ZNF207: variants seen among roughly 807,000 people sequenced by gnomAD.
The protein encoded by ZNF207 is zinc finger protein 207, also known as BUB3-interacting and GLEBS motif-containing protein ZNF207.
In ZNF207, 24 loss-of-function variants were observed where a neutral mutation model predicts 60.2. The ratio of observed to expected loss-of-function variants is 0.40; its 90% CI spans 0.29 to 0.56. ZNF207 has a LOEUF of 0.56. ZNF207 is among the 20% of genes least tolerant of loss of function. The pLI is 0.49. For missense variants in ZNF207, 452 were observed against 636.6 expected, an observed-to-expected ratio of 0.71 and a Z score of 3.12; for synonymous variants, 236 against 194.7, an observed-to-expected ratio of 1.21 and a Z score of -1.77.
chr17:32,368,570 A>G (rs1360707860), intron 10 of ZNF207: 1 of 154,528 alleles, frequency 6.5e-6, no homozygotes, highest in Non-Finnish European at 1.4e-5. Context: ...GGGCACCTGT[A>G]ATCCCAGCTA....
rs752291129 is a variant in ZNF207 at position 32,360,725 on chromosome 17, A to G, written c.435A>G (p.Pro145=). 5 of 1,614,036 alleles carry G rather than the reference A, an allele frequency of 3.1e-6. No homozygotes were observed. The highest frequency in any genetic ancestry group is 4.2e-6 in the Non-Finnish European group (5 of 1,180,032). The change falls in exon 4 of 12, where the codon CCA becomes CCG. Residue 145 remains proline (P), a synonymous_variant. Coordinates refer to ENST00000394670, the MANE Select transcript of ZNF207 (RefSeq NM_001098507.2). ...GTTATATTCCTCCAATGGCACAGCC[A>G]GGACTGCCACCAGTACCAGGAGCAC... is the stretch of plus-strand genomic sequence containing the variant. ...QQGYIPPMAQ[P]GLPPVPGAPG...
chr17:32,355,727 AATC>A (rs1308795658), intron 2 of ZNF207, among the ~76,000 whole-genome samples: 11 of 152,212 alleles, frequency 7.2e-5, no homozygotes, highest in Admixed American at 4.6e-4. Flanking sequence ...GATTAAAAGG[AATC>A]GTCTAAGGAG....
intron 2 of ZNF207, among the ~76,000 whole-genome samples, chr17:32,354,043 A>G (rs967826900): frequency 1.3e-5 from 2 of 151,740 alleles, no homozygotes; most frequent in South Asian, 2.1e-4. Context: ...AGTGCAGATC[A>G]TAGCTCACCG....
chr17:32,369,234 C>T (rs1328312554), intron 10 of ZNF207, 61 bp from the exon 11 acceptor site: 4 of 1,575,090 alleles, frequency 2.5e-6, no homozygotes, highest in Non-Finnish European at 3.5e-6. Flanking sequence ...AGATGCATGC[C>T]TTTATGCTTG....
chr17:32,375,193 A>G lies in ZNF207; in HGVS notation c.*5434A>G, dbSNP rs1282539729. ...TGTAAATTTTGACTTGTTAAATAAC[A>G]TGTTTTTCACTATAACTAATAGGAT... On this transcript the variant is annotated 3_prime_UTR_variant, in exon 12 of 12. Transcript: ENST00000394670. 3 of 152,198 alleles carry G rather than the reference A, an allele frequency of 2.0e-5. No individual in the cohort carries two copies. Among genetic ancestry groups the G allele is most frequent in the Non-Finnish European group, 4.4e-5 (3 of 68,026 alleles). 9.4% of individuals were successfully genotyped at this position (152,198 alleles called of 1,614,324 possible). A position where few individuals can be genotyped will look rare whatever the true frequency, so the allele number is the denominator to read the frequency against.
rs1905796865 is a variant in ZNF207, at chr17:32,379,400, A to G, written c.*9641A>G. 1 of 152,106 alleles carries G rather than the reference A, an allele frequency of 6.6e-6. No individual in the cohort carries two copies. The highest frequency in any genetic ancestry group is 1.5e-5 in the Non-Finnish European group (1 of 67,974). 9.4% of individuals were successfully genotyped at this position (152,106 alleles called of 1,614,324 possible). ...TAATTTGCTAGTTCACTTTTTTCTG[A>G]CCTTCACTTAACAGACTATAAATAC... is the stretch of plus-strand genomic sequence containing the variant. On this transcript the variant is annotated 3_prime_UTR_variant, in exon 12 of 12. Coordinates refer to ENST00000394670, the MANE Select transcript of ZNF207 (RefSeq NM_001098507.2).
intron 2 of ZNF207, among the ~76,000 whole-genome samples, chr17:32,354,020 T>C (rs1350083895): frequency 6.6e-6 from 1 of 152,184 alleles, no homozygotes; most frequent in Admixed American, 6.5e-5. Context: ...TCTCATTCTG[T>C]TGTCCAGGCT....
At chr17:32,367,243 A>ATATATAT (rs1905213856) in intron 9 of ZNF207, among the ~76,000 whole-genome samples, 1 of 51,004 alleles carries the variant, frequency 2.0e-5, no homozygotes, top group Admixed American at 1.7e-4. Flanking sequence ...AGGGGATTAT[A>ATATATAT]TATATATATA....
In ZNF207 at chr17:32,357,351, AT is replaced by A. The variant is rs1164011891; in HGVS notation, c.169-1137del. On this transcript the variant is annotated intron_variant, in intron 2 of 11. Transcript: ENST00000394670. ...TATTATTATTATTATTATTATTATT[AT>A]TTTTTTTTTTTTTTGAGACAGAATC... 4.0e-3 allele frequency among the ~76,000 whole-genome samples: 294 copies of A among 73,982 alleles called. 4 individuals carry two copies. Among genetic ancestry groups the A allele is most frequent in the African/African-American group, 0.014 (242 of 17,754 alleles). The allele number at this position is 73,982 out of a possible 152,430, so 48.5% of individuals were successfully genotyped here. A position where few individuals can be genotyped will look rare whatever the true frequency, so the allele number is the denominator to read the frequency against.
At chr17:32,362,817 C>A (rs1904959379) in intron 6 of ZNF207, 97 bp from the exon 7 acceptor site, 1 of 931,612 alleles carries the variant, frequency 1.1e-6, no homozygotes, top group Non-Finnish European at 1.6e-6. Flanking sequence ...AGATTCAAGT[C>A]TTCTATCTAG....
At chr17:32,357,332 TATTATTA>T (rs1904567877) in intron 2 of ZNF207, among the ~76,000 whole-genome samples, 9 of 90,974 alleles carry the variant, frequency 9.9e-5, no homozygotes, top group African/African-American at 3.5e-4. Flanking sequence ...TTATTATTAT[TATTATTA>T]TTATTATTAT....
At chr17:32,355,057 G>T (rs1484909533) in intron 2 of ZNF207, among the ~76,000 whole-genome samples, 1 of 152,154 alleles carries the variant, frequency 6.6e-6, no homozygotes, top group Non-Finnish European at 1.5e-5. Context: ...TAGATATGGG[G>T]TATAAGAAAA....
chr17:32,362,963 C>G lies in ZNF207; in HGVS notation c.649C>G (p.Leu217Val). The change falls in exon 7 of 12, where the codon CTG becomes GTG. Residue 217 changes from leucine to valine, a missense_variant. Physicochemically the swap from Leu to Val is conservative, Grantham distance 32. This residue lies in a region of ZNF207 where 390 missense variants were observed against 461.4 expected (regional missense o/e 0.85). Transcript: ENST00000394670. Reference protein sequence around the residue: ...MMPPGPGIPPLMPGMPPGMPP... With the variant: ...MMPPGPGIPPVMPGMPPGMPP... ...GCCACCTGGACCAGGAATACCACCT[C>G]TGATGCCTGGAATGCCACCAGGTAT... 1 of 1,613,276 alleles carries G rather than the reference C, an allele frequency of 6.2e-7. No homozygotes were observed. Among genetic ancestry groups the G allele is most frequent in the Non-Finnish European group, 8.5e-7 (1 of 1,179,946 alleles).
intron 9 of ZNF207, 126 bp from the exon 10 acceptor site, chr17:32,367,646 T>C: frequency 7.9e-7 from 1 of 1,258,760 alleles, no homozygotes; most frequent in Non-Finnish European, 1.1e-6. Context: ...CACATTAACT[T>C]TGTATTAATT....
At chr17:32,352,573 ATTAATAC>A (rs2041527443) in intron 2 of ZNF207, among the ~76,000 whole-genome samples, 1 of 152,234 alleles carries the variant, frequency 6.6e-6, no homozygotes, top group Non-Finnish European at 1.5e-5. Flanking sequence ...GGCCTTAAGA[ATTAATAC>A]TTAATTAGCA....
chr17:32,367,284 T>TATATATATAAAAAA (rs1346929445), intron 9 of ZNF207, among the ~76,000 whole-genome samples: 1 of 131,076 alleles, frequency 7.6e-6, no homozygotes, highest in Non-Finnish European at 1.6e-5. Context: ...TATATATATA[T>TATATATATAAAAAA]AAAGAATACT....
Position 32,376,158 on chromosome 17 carries a change from A to G in ZNF207, c.*6399A>G, listed in dbSNP as rs1258596497. 2.6e-5 allele frequency: 4 copies of G among 152,036 alleles called. No homozygotes were observed. Among genetic ancestry groups the G allele is most frequent in the South Asian group, 4.1e-4 (2 of 4,824 alleles). The allele number at this position is 152,036 out of a possible 1,614,324, so 9.4% of individuals were successfully genotyped here. A position where few individuals can be genotyped will look rare whatever the true frequency, so the allele number is the denominator to read the frequency against. ...ACTATCTTAAGCTCTTAGGCACCCT[A>G]TTATGGATCTAATTCAAACCAATAT... is the stretch of plus-strand genomic sequence containing the variant. On this transcript the variant is annotated 3_prime_UTR_variant, in exon 12 of 12. Transcript: ENST00000394670.
In ZNF207 at chr17:32,361,451, G is replaced by A. The variant is rs568822244; in HGVS notation, c.552-17G>A. The A allele has an allele frequency of 1.2e-6, 2 of 1,603,316 alleles. No individual in the cohort carries two copies. Among genetic ancestry groups the A allele is most frequent in the African/African-American group, 1.3e-5 (1 of 74,788 alleles). ...AAAATCACAGTTAGATTTTGATTTT[G>A]TCATACATTTTCACAGATTGCATCA... On this transcript the variant is annotated splice_polypyrimidine_tract_variant and intron_variant, in intron 5 of 11. Coordinates refer to ENST00000394670, the MANE Select transcript of ZNF207 (RefSeq NM_001098507.2).
intron 2 of ZNF207, among the ~76,000 whole-genome samples, chr17:32,352,865 T>C (rs560959792): frequency 1.1e-4 from 16 of 152,204 alleles, no homozygotes; most frequent in Non-Finnish European, 1.3e-4. Context: ...CAGCCCAGAA[T>C]TGTATTTCAT....
Sources: allele counts gnomAD v4.1 joint callset (sites outside exome capture counted in the v4.1 genomes callset), GRCh38; gene constraint gnomAD v4.1.1; regional missense constraint gnomAD v4.1.1; transcripts MANE v1.5; gene names NCBI Gene and HGNC (gene_info 2026-07-23, HGNC 2026-07-21).